CHST15: variants seen among roughly 807,000 people sequenced by gnomAD.
The protein encoded by CHST15 is B cell RAG associated protein (GALNAC4S-6ST).
CHST15 carries 30 observed loss-of-function variants against 53.6 expected under a neutral mutation model. That is an observed-to-expected ratio of 0.56 (90% CI 0.42 to 0.76). The LOEUF is 0.76. CHST15 is among the 30% of genes least tolerant of loss of function. The probability of loss-of-function intolerance (pLI) is 0.00; values close to 1 mark genes in which losing one functional copy is unlikely to be tolerated. For missense variants in CHST15, 627 were observed against 740.5 expected, an observed-to-expected ratio of 0.85 and a Z score of 1.78; for synonymous variants, 296 against 289.8, an observed-to-expected ratio of 1.02 and a Z score of -0.22.
At chr10:124,040,209 G>A (rs1296733358) in intron 4 of CHST15, among the ~76,000 whole-genome samples, 3 of 152,144 alleles carry the variant, frequency 2.0e-5, no homozygotes, top group African/African-American at 4.8e-5. Flanking sequence ...CCATCCACCT[G>A]ACTGTCTTCC....
chr10:124,011,280 GC>G (rs1178568808), intron 7 of CHST15, among the ~76,000 whole-genome samples: 1 of 152,162 alleles, frequency 6.6e-6, no homozygotes, highest in African/African-American at 2.4e-5. Flanking sequence ...GCATCCTAGG[GC>G]CATATGAAAC....
At chr10:124,061,747 G>A (rs1373340637) in intron 1 of CHST15, among the ~76,000 whole-genome samples, 1 of 152,202 alleles carries the variant, frequency 6.6e-6, no homozygotes, top group Non-Finnish European at 1.5e-5. Flanking sequence ...CCTCCAGGAC[G>A]TGAGTTCACG....
In CHST15 at chr10:124,074,178, C is replaced by T. The variant is rs369739917; in HGVS notation, c.-513+19291G>A. Among the ~76,000 whole-genome samples, 4 of 152,326 alleles carry T rather than the reference C, an allele frequency of 2.6e-5. No individual in the cohort carries two copies. The East Asian group carries it at 7.7e-4, about 29-fold the overall frequency. ...CAGGGAAGGTAGCTTGCTCTCCCTC[C>T]CAAGATCTTTCCACTTCATTTCTGC... On this transcript the variant is annotated intron_variant, in intron 1 of 7. Transcript: ENST00000435907. The surrounding 1 kb of genome is among the most constrained non-coding windows in gnomAD (Gnocchi z 4.4).
intron 5 of CHST15, among the ~76,000 whole-genome samples, chr10:124,034,451 T>C (rs1156633401): frequency 1.3e-5 from 2 of 152,000 alleles, no homozygotes; most frequent in African/African-American, 4.8e-5. Flanking sequence ...GCACTCACCT[T>C]TGTGGTGTTG....
chr10:124,029,202 A>G (rs1947124604), intron 5 of CHST15, among the ~76,000 whole-genome samples: 1 of 152,232 alleles, frequency 6.6e-6, no homozygotes. Context: ...CATTTAATGT[A>G]GCTGAGACGG....
chr10:124,093,248 G>C (rs1949661601), intron 1 of CHST15, among the ~76,000 whole-genome samples: 1 of 150,010 alleles, frequency 6.7e-6, no homozygotes, highest in African/African-American at 2.5e-5. Context: ...TGCCTGGGCC[G>C]CCGCCGCCAC....
chr10:124,053,818 T>C (rs942931636), intron 1 of CHST15, among the ~76,000 whole-genome samples: 4 of 152,014 alleles, frequency 2.6e-5, no homozygotes, highest in African/African-American at 9.7e-5. Context: ...CTTGGAAGGC[T>C]GAGGTGGGAG....
intron 1 of CHST15, among the ~76,000 whole-genome samples, chr10:124,090,234 C>T (rs1453493756): frequency 6.6e-6 from 1 of 152,242 alleles, no homozygotes; most frequent in Non-Finnish European, 1.5e-5. Context: ...CATTTAAATA[C>T]CCAGGCTGGA....
chr10:124,044,575 C>A lies in CHST15; in HGVS notation c.886+5G>T, dbSNP rs764376016. ...CAGACAGGAGCCCTGGGACCCAGCACTCACCAAAGCGCTTCCGGGTCCACC... is the reference window on the plus strand; with the variant it reads ...CAGACAGGAGCCCTGGGACCCAGCAATCACCAAAGCGCTTCCGGGTCCACC... On this transcript the variant is annotated splice_donor_5th_base_variant and intron_variant, in intron 3 of 7. Transcript: ENST00000435907. 2.6e-6 allele frequency: 4 copies of A among 1,509,526 alleles called. No individual in the cohort carries two copies. Among genetic ancestry groups the A allele is most frequent in the Non-Finnish European group, 3.5e-6 (4 of 1,127,810 alleles). The allele number at this position is 1,509,526 out of a possible 1,614,324, so 93.5% of individuals were successfully genotyped here.
intron 1 of CHST15, among the ~76,000 whole-genome samples, chr10:124,081,412 G>A (rs976982530): frequency 1.3e-5 from 2 of 152,038 alleles, no homozygotes; most frequent in African/African-American, 4.8e-5. Flanking sequence ...ACACACAAAT[G>A]CCCAGCATCC....
chr10:124,070,611 G>A (rs1948884652), intron 1 of CHST15, among the ~76,000 whole-genome samples: 2 of 152,018 alleles, frequency 1.3e-5, no homozygotes, highest in African/African-American at 4.8e-5. Flanking sequence ...TCTTGACCTC[G>A]TGATCTGTCT....
rs1393589608 is a variant in CHST15 at position 124,032,762 on chromosome 10, T to C, written c.1190+5753A>G. Among the ~76,000 whole-genome samples the C allele has an allele frequency of 4.0e-5, 6 of 149,568 alleles. No homozygotes were observed. In the South Asian group the frequency reaches 1.1e-3, roughly 26 times the overall value. On this transcript the variant is annotated intron_variant, in intron 5 of 7. Coordinates refer to ENST00000435907, the MANE Select transcript of CHST15 (RefSeq NM_001270764.2). ...AATTCTTGGCTGGCTTCTTTGGCCA[T>C]ATGAACCATCCCATCCACTTGTTTC... is the stretch of plus-strand genomic sequence containing the variant.
intron 1 of CHST15, among the ~76,000 whole-genome samples, chr10:124,085,548 T>C (rs995461220): frequency 1.3e-5 from 2 of 152,252 alleles, no homozygotes; most frequent in Admixed American, 1.3e-4. Context: ...GGAAGAATCA[T>C]TTTTAATTGA....
Position 124,024,480 on chromosome 10 carries a change from AT to A in CHST15, c.1191-3069del, listed in dbSNP as rs1159065463. Reference sequence around the variant, plus strand: ...ACACCCACCGGAACAGGAGTGTTCCATCTACCACAGCCTGGCCAGCCAAACT... The same window carrying A: ...ACACCCACCGGAACAGGAGTGTTCCACTACCACAGCCTGGCCAGCCAAACT... On this transcript the variant is annotated intron_variant, in intron 5 of 7. Coordinates refer to ENST00000435907, the MANE Select transcript of CHST15 (RefSeq NM_001270764.2). This position sits in a 1 kb window ranked among gnomAD's most constrained non-coding sequence, Gnocchi z 4.0. Among the ~76,000 whole-genome samples the A allele has an allele frequency of 1.3e-5, 2 of 152,292 alleles. No individual in the cohort carries two copies. Among genetic ancestry groups the A allele is most frequent in the Middle Eastern group, 3.4e-3 (1 of 294 alleles).
intron 1 of CHST15, among the ~76,000 whole-genome samples, chr10:124,085,833 G>A (rs1007139131): frequency 3.3e-5 from 5 of 152,180 alleles, no homozygotes; most frequent in East Asian, 1.9e-4. Flanking sequence ...ACTGGCAAAC[G>A]CTTCCTGAAG....
rs202094516 is a variant in CHST15, at chr10:124,038,108, A to ATT, written c.1190+405_1190+406dup. ...GTTTATTTTTGTTTGTTTTTATTTT[A>ATT]TTTTATTTTTTTTTTTGAGATGGAG... On this transcript the variant is annotated intron_variant, in intron 5 of 7. Coordinates refer to ENST00000435907, the MANE Select transcript of CHST15 (RefSeq NM_001270764.2). Among the ~76,000 whole-genome samples, 7 of 132,316 alleles carry ATT rather than the reference A, an allele frequency of 5.3e-5. 1 individual carries two copies. The highest frequency in any genetic ancestry group is 8.1e-5 in the Non-Finnish European group (5 of 61,392). The allele number at this position is 132,316 out of a possible 152,430, so 86.8% of individuals were successfully genotyped here.
intron 1 of CHST15, among the ~76,000 whole-genome samples, chr10:124,092,658 G>A (rs1949639777): frequency 6.6e-6 from 1 of 152,214 alleles, no homozygotes; most frequent in Admixed American, 6.5e-5. Flanking sequence ...CCAGGGTTCT[G>A]GAAGCGCATC....
intron 5 of CHST15, among the ~76,000 whole-genome samples, chr10:124,033,062 G>A (rs1947288279): frequency 6.6e-6 from 1 of 152,184 alleles, no homozygotes; most frequent in Admixed American, 6.5e-5. Context: ...AGAAGTGCAA[G>A]GTCACAGAAC....
At chr10:124,028,773 C>T (rs1354710312) in intron 5 of CHST15, among the ~76,000 whole-genome samples, 1 of 152,216 alleles carries the variant, frequency 6.6e-6, no homozygotes, top group African/African-American at 2.4e-5. Flanking sequence ...TATGGGACTT[C>T]TCAGAGGGCC....
Sources: gnomAD v4.1 joint callset for allele counts (sites outside exome capture counted in the v4.1 genomes callset) on GRCh38, gnomAD v4.1.1 for gene constraint, Gnocchi (gnomAD v3.1) non-coding constraint, MANE v1.5 for transcripts, NCBI Gene and HGNC (gene_info 2026-07-23, HGNC 2026-07-21) for gene names.